The following COL26A1 variants were observed in gnomAD, a reference collection of about 807,000 sequenced individuals.
COL26A1 encodes the protein collagen alpha-1(XXVI) chain.
In COL26A1, 41 loss-of-function variants were observed where a neutral mutation model predicts 59.3. The ratio of observed to expected loss-of-function variants is 0.69; its 90% confidence interval spans 0.54 to 0.90. The LOEUF is 0.90. Ranked by LOEUF, COL26A1 falls within the 40% of genes least tolerant of loss-of-function variation. COL26A1 has a pLI of 0.00. For synonymous variants in COL26A1, 266 were observed against 256.0 expected (o/e 1.04, Z -0.37); for missense variants, 612 against 602.3 (o/e 1.02, Z -0.17).
chr7:101,408,644 T>C (rs1859638), intron 1 of COL26A1, among the ~76,000 whole-genome samples: 41,970 of 152,148 alleles, frequency 0.28, 5,946 homozygotes, highest in African/African-American at 0.3. Context: ...GCCACAACTC[T>C]GTTGACTCAT....
At chr7:101,483,990 AGTGTGTGTGTGTGTGTGT>A (rs55863250) in intron 3 of COL26A1, among the ~76,000 whole-genome samples, 1,289 of 128,008 alleles carry the variant, frequency 0.01, 19 homozygotes, top group African/African-American at 0.035. Flanking sequence ...AACTTTTTAA[AGTGTGTGTGTGTGTGTGT>A]GTGTGTGTGT....
intron 3 of COL26A1, among the ~76,000 whole-genome samples, chr7:101,497,472 C>T (rs920876406): frequency 9.9e-5 from 15 of 151,890 alleles, no homozygotes; most frequent in African/African-American, 3.1e-4. Flanking sequence ...CCCAGGAGTT[C>T]GAGACCAGCC....
rs189545807 is a variant in COL26A1 at position 101,455,975 on chromosome 7, T to C, written c.385+8188T>C. On this transcript the variant is annotated intron_variant, in intron 3 of 12. Transcript: ENST00000313669. ...TTCTGGGATTACAGGCGCGAGCCACTGCACCTGGCCTGGTAAGTTTCCTTC... is the reference window on the plus strand; with the variant it reads ...TTCTGGGATTACAGGCGCGAGCCACCGCACCTGGCCTGGTAAGTTTCCTTC... Among the ~76,000 whole-genome samples, 392 of 152,166 alleles carry C rather than the reference T, an allele frequency of 2.6e-3. 1 individual carries two copies. Among genetic ancestry groups the C allele is most frequent in the African/African-American group, 9.1e-3 (377 of 41,534 alleles).
intron 3 of COL26A1, among the ~76,000 whole-genome samples, chr7:101,518,748 G>A (rs1272080483): frequency 6.6e-6 from 1 of 152,152 alleles, no homozygotes; most frequent in African/African-American, 2.4e-5. Flanking sequence ...CCCTCTCCTG[G>A]TATCCTTGCT....
At chr7:101,464,556 C>G (rs548449280) in intron 3 of COL26A1, among the ~76,000 whole-genome samples, 73 of 151,706 alleles carry the variant, frequency 4.8e-4, no homozygotes, top group Admixed American at 2.7e-3. Context: ...GGATTACAGG[C>G]TCCTGCCACC....
chr7:101,374,303 C>A (rs1791258803), intron 1 of COL26A1, among the ~76,000 whole-genome samples: 1 of 152,152 alleles, frequency 6.6e-6, no homozygotes, highest in Non-Finnish European at 1.5e-5. Context: ...GTTCTGGCCC[C>A]CTGCATCTCC....
intron 1 of COL26A1, among the ~76,000 whole-genome samples, chr7:101,387,202 C>T (rs1791598304): frequency 6.6e-6 from 1 of 151,988 alleles, no homozygotes; most frequent in Non-Finnish European, 1.5e-5. Flanking sequence ...GGACCCGAAA[C>T]CGGCACGAGA....
At chr7:101,381,788 T>C (rs1030814989) in intron 1 of COL26A1, among the ~76,000 whole-genome samples, 17 of 152,134 alleles carry the variant, frequency 1.1e-4, no homozygotes, top group African/African-American at 4.1e-4. Flanking sequence ...TAGCACTGCA[T>C]AAGATAACAT....
chr7:101,473,607 TCCACACACAC>T, intron 3 of COL26A1, among the ~76,000 whole-genome samples: 1 of 120,166 alleles, frequency 8.3e-6, no homozygotes, highest in African/African-American at 3.3e-5. Flanking sequence ...ACACCTTGTC[TCCACACACAC>T]ACACACACAC....
intron 3 of COL26A1, among the ~76,000 whole-genome samples, chr7:101,530,439 G>A (rs774728231): frequency 1.3e-5 from 2 of 151,572 alleles, no homozygotes; most frequent in Non-Finnish European, 2.9e-5. Context: ...GTGGTGATGC[G>A]TGCCTGTAAT....
At chr7:101,422,552 G>A (rs1792548175) in intron 2 of COL26A1, among the ~76,000 whole-genome samples, 1 of 152,136 alleles carries the variant, frequency 6.6e-6, no homozygotes, top group South Asian at 2.1e-4. Flanking sequence ...CTTCTGAGAA[G>A]AAAAGTCTTT....
At chr7:101,434,566 T>C (rs1584404460) in intron 2 of COL26A1, among the ~76,000 whole-genome samples, 1 of 13,134 alleles carries the variant, frequency 7.6e-5, no homozygotes, top group Admixed American at 8.9e-4. Context: ...CTGGCCTGAT[T>C]TTTTTTTTTT....
Position 101,401,165 on chromosome 7 carries a change from A to T in COL26A1, c.159-18812A>T, listed in dbSNP as rs573589786. Among the ~76,000 whole-genome samples the T allele has an allele frequency of 5.3e-5, 8 of 152,296 alleles. No homozygotes were observed. The South Asian group carries it at 1.5e-3, about 28-fold the overall frequency. ...ACCTGCCTGGAGAAGGCATAGGGGT[A>T]AGGCTTTCCCTGATCCTTCAAGCCG... On this transcript the variant is annotated intron_variant, in intron 1 of 12. Transcript: ENST00000313669.
chr7:101,441,006 A>C (rs1267288607), intron 2 of COL26A1, among the ~76,000 whole-genome samples: 1 of 151,894 alleles, frequency 6.6e-6, no homozygotes, highest in Admixed American at 6.6e-5. Flanking sequence ...AAAGAAAAAG[A>C]AAAAAGAAAA....
intron 3 of COL26A1, among the ~76,000 whole-genome samples, chr7:101,463,515 TC>T (rs1472213645): frequency 1.6e-4 from 14 of 89,926 alleles, no homozygotes; most frequent in African/African-American, 6.7e-4. Flanking sequence ...TCCCTTCCCT[TC>T]CCCCCTCTTC....
At chr7:101,375,989 G>GAAAA (rs35433251) in intron 1 of COL26A1, among the ~76,000 whole-genome samples, 4 of 122,794 alleles carry the variant, frequency 3.3e-5, no homozygotes, top group Non-Finnish European at 4.9e-5. Context: ...CCATCTCAAA[G>GAAAA]AAAAAAAAAA....
At chr7:101,390,462 G>C (rs1791703245) in intron 1 of COL26A1, among the ~76,000 whole-genome samples, 1 of 152,094 alleles carries the variant, frequency 6.6e-6, no homozygotes, top group Non-Finnish European at 1.5e-5. Flanking sequence ...GTCTTGCTCT[G>C]TTGTTCAGGC....
intron 1 of COL26A1, among the ~76,000 whole-genome samples, chr7:101,374,864 G>C (rs916850446): frequency 2.0e-5 from 3 of 151,936 alleles, no homozygotes; most frequent in Non-Finnish European, 4.4e-5. Flanking sequence ...GTTTGAGACC[G>C]GCCTGGCCAA....
At chr7:101,438,459 G>A (rs762011098) in intron 2 of COL26A1, among the ~76,000 whole-genome samples, 11 of 151,512 alleles carry the variant, frequency 7.3e-5, no homozygotes, top group Non-Finnish European at 1.5e-4. Flanking sequence ...GGAAAGATGG[G>A]GTATATGCAG....
Sources: allele counts gnomAD v4.1 joint callset (sites outside exome capture counted in the v4.1 genomes callset), GRCh38; gene constraint gnomAD v4.1.1; transcripts MANE v1.5; gene names NCBI Gene and HGNC (gene_info 2026-07-23, HGNC 2026-07-21).